The following ARIH1 variants were observed in gnomAD, a reference collection of about 807,000 sequenced individuals.
ARIH1 encodes the protein E3 ubiquitin-protein ligase ARIH1.
In ARIH1, 8 loss-of-function variants were observed where a neutral mutation model predicts 85.0. That is an observed-to-expected ratio of 0.09 (90% CI 0.06 to 0.17). The LOEUF is 0.17. Ranked by LOEUF, ARIH1 falls within the 10% of genes least tolerant of loss-of-function variation. ARIH1 has a pLI of 1.00. For synonymous variants in ARIH1, 238 were observed against 253.6 expected (o/e 0.94, Z 0.59); for missense variants, 311 against 718.1 (o/e 0.43, Z 6.48).
chr15:72,530,824 A>G (rs1191740694), intron 2 of ARIH1, among the ~76,000 whole-genome samples: 1 of 152,240 alleles, frequency 6.6e-6, no homozygotes, highest in Non-Finnish European at 1.5e-5. Flanking sequence ...AAAATCAAAC[A>G]ATGATCCAGA....
At chr15:72,510,795 TATCACTTTTGTAAAAG>T (rs367878004) in intron 1 of ARIH1, among the ~76,000 whole-genome samples, 1 of 150,836 alleles carries the variant, frequency 6.6e-6, no homozygotes, top group Non-Finnish European at 1.5e-5. Flanking sequence ...TGAATTGTTT[TATCACTTTTGTAAAAG>T]ATCACTTTTG....
At position 72,593,902 on chromosome 15, in the gene ARIH1, G is replaced by A. The variant is rs1293252602; in HGVS notation, c.*10610G>A. On this transcript the variant is annotated 3_prime_UTR_variant, in exon 14 of 14. Coordinates refer to ENST00000379887, the MANE Select transcript of ARIH1 (RefSeq NM_005744.5). ...CCAGCTTGGGTGACAGCAAGACCCT[G>A]TCAAAAAAAAAAAAGAAAAGAAAAA... The A allele has an allele frequency of 6.7e-5, 10 of 148,764 alleles. No homozygotes were observed. The highest frequency in any genetic ancestry group is 2.0e-4 in the East Asian group (1 of 4,956). 9.2% of individuals were successfully genotyped at this position (148,764 alleles called of 1,614,324 possible).
At chr15:72,499,049 C>T (rs1388702440) in intron 1 of ARIH1, among the ~76,000 whole-genome samples, 1 of 128,374 alleles carries the variant, frequency 7.8e-6, no homozygotes, top group Non-Finnish European at 1.6e-5. Flanking sequence ...AGTGTGATCT[C>T]GGCTCACTGC....
At chr15:72,507,270 TGC>T (rs1366674646) in intron 1 of ARIH1, among the ~76,000 whole-genome samples, 1 of 152,152 alleles carries the variant, frequency 6.6e-6, no homozygotes, top group African/African-American at 2.4e-5. Context: ...GTGATCCGCC[TGC>T]CTTGGCCTCC....
At chr15:72,508,990 G>C (rs991742604) in intron 1 of ARIH1, among the ~76,000 whole-genome samples, 3 of 149,528 alleles carry the variant, frequency 2.0e-5, no homozygotes, top group Non-Finnish European at 4.4e-5. Context: ...CACTGTGCCT[G>C]GCCCTTTTTT....
chr15:72,573,651 G>GA (rs1201080356), intron 11 of ARIH1, among the ~76,000 whole-genome samples: 2 of 151,662 alleles, frequency 1.3e-5, no homozygotes, highest in African/African-American at 2.4e-5. Context: ...CATTTAAGGG[G>GA]AAAAAATCCC....
chr15:72,587,905 T>C lies in ARIH1; in HGVS notation c.*4613T>C, dbSNP rs1442477243. ...CTATTGTTGACCTTTCTCTAGGCGG[T>C]AGCATTTAGGATGGGAAAAAATAAT... On this transcript the variant is annotated 3_prime_UTR_variant, in exon 14 of 14. Coordinates refer to ENST00000379887, the MANE Select transcript of ARIH1 (RefSeq NM_005744.5). 1 of 152,202 alleles carries C rather than the reference T, an allele frequency of 6.6e-6. No individual in the cohort carries two copies. Among genetic ancestry groups the C allele is most frequent in the Non-Finnish European group, 1.5e-5 (1 of 68,036 alleles). The allele number at this position is 152,202 out of a possible 1,614,324, so 9.4% of individuals were successfully genotyped here. A position where few individuals can be genotyped will look rare whatever the true frequency, so the allele number is the denominator to read the frequency against.
At chr15:72,561,327 G>A in intron 5 of ARIH1, 156 bp from the exon 6 acceptor site, 1 of 619,658 alleles carries the variant, frequency 1.6e-6, no homozygotes, top group Non-Finnish European at 2.8e-6. Context: ...GATCAGTACA[G>A]TTATATTTGT....
At chr15:72,491,080 C>T (rs1032736666) in intron 1 of ARIH1, among the ~76,000 whole-genome samples, 1 of 152,080 alleles carries the variant, frequency 6.6e-6, no homozygotes, top group Non-Finnish European at 1.5e-5. Context: ...CGTGCCACTG[C>T]ACTCCAGGCT....
intron 1 of ARIH1, among the ~76,000 whole-genome samples, chr15:72,481,342 TTCTC>T (rs919095561): frequency 6.6e-6 from 1 of 152,196 alleles, no homozygotes; most frequent in South Asian, 2.1e-4. Context: ...ATAGCAGTGT[TTCTC>T]TATGTGTTAC....
In ARIH1 at chr15:72,500,303, C is replaced by T. The variant is rs1171847615; in HGVS notation, c.376-17764C>T. 2.0e-5 allele frequency among the ~76,000 whole-genome samples: 3 copies of T among 152,078 alleles called. No individual in the cohort carries two copies. In the East Asian group the frequency reaches 5.8e-4, roughly 29 times the overall value. On this transcript the variant is annotated intron_variant, in intron 1 of 13. Coordinates refer to ENST00000379887, the MANE Select transcript of ARIH1 (RefSeq NM_005744.5). ...AGAGACGGGGTTTCACTGTGTTGGC[C>T]AGGATGATGTCGATCTCTTGACCTC...
chr15:72,552,016 C>T (rs563812752), intron 3 of ARIH1, among the ~76,000 whole-genome samples: 1 of 152,210 alleles, frequency 6.6e-6, no homozygotes, highest in African/African-American at 2.4e-5. Context: ...TACTCTTGCA[C>T]GGCATAAATG....
At chr15:72,545,948 C>G (rs1175332185) in intron 3 of ARIH1, among the ~76,000 whole-genome samples, 2 of 152,200 alleles carry the variant, frequency 1.3e-5, no homozygotes, top group African/African-American at 2.4e-5. Context: ...ATAATTACAA[C>G]TGTCTTGTTC....
Position 72,474,683 on chromosome 15 carries a change from A to C in ARIH1, c.44A>C (p.Glu15Ala), listed in dbSNP as rs779981165. ...EGYNYEFDED[E>A]ECSEEDSGAE... is the part of the protein sequence containing the mutation. ...TACAACTACGAGTTCGACGAGGACG[A>C]GGAGTGCAGTGAGGAGGACAGCGGC... Residue 15 changes from glutamate to alanine, a missense_variant, in exon 1 of 14, where the codon GAG becomes GCG. Glu to Ala is a moderately radical substitution (Grantham distance 107, BLOSUM62 -1). This residue lies in a region of ARIH1 where 157 missense variants were observed against 185.1 expected (regional missense o/e 0.85). Transcript: ENST00000379887. The C allele has an allele frequency of 6.3e-6, 10 of 1,575,076 alleles. No individual in the cohort carries two copies. Among genetic ancestry groups the C allele is most frequent in the Non-Finnish European group, 8.6e-6 (10 of 1,162,166 alleles).
At chr15:72,480,844 G>A (rs2063813894) in intron 1 of ARIH1, among the ~76,000 whole-genome samples, 1 of 152,190 alleles carries the variant, frequency 6.6e-6, no homozygotes, top group Non-Finnish European at 1.5e-5. Context: ...GGATCACAGT[G>A]AGCCACCTTG....
rs1023606448 is a variant in ARIH1 at position 72,599,900 on chromosome 15, G to A, written c.*16608G>A. ...GAGTATATCTGTAGCATCAAGAATAGGCATACTGAAAATCCTCCATGAAGT... is the reference window on the plus strand; with the variant it reads ...GAGTATATCTGTAGCATCAAGAATAAGCATACTGAAAATCCTCCATGAAGT... On this transcript the variant is annotated 3_prime_UTR_variant, in exon 14 of 14. Coordinates refer to ENST00000379887, the MANE Select transcript of ARIH1 (RefSeq NM_005744.5). 2.0e-5 allele frequency: 3 copies of A among 152,132 alleles called. No homozygotes were observed. Among genetic ancestry groups the A allele is most frequent in the African/African-American group, 7.2e-5 (3 of 41,402 alleles). 9.4% of individuals were successfully genotyped at this position (152,132 alleles called of 1,614,324 possible).
chr15:72,567,055 C>G, intron 8 of ARIH1, 51 bp from the exon 9 acceptor site: 1 of 1,392,224 alleles, frequency 7.2e-7, no homozygotes, highest in Non-Finnish European at 1.0e-6. Flanking sequence ...AAGTAATTTG[C>G]TATTTTTAAA....
At chr15:72,526,252 T>C (rs1595861519) in intron 2 of ARIH1, among the ~76,000 whole-genome samples, 1 of 152,184 alleles carries the variant, frequency 6.6e-6, no homozygotes, top group Non-Finnish European at 1.5e-5. Flanking sequence ...GTATTTCTTT[T>C]TATTTTATTC....
intron 1 of ARIH1, among the ~76,000 whole-genome samples, chr15:72,507,016 GTATGTATT>G (rs1186238438): frequency 1.9e-3 from 92 of 48,462 alleles, no homozygotes; most frequent in African/African-American, 4.0e-3. Context: ...ATGTATGTAT[GTATGTATT>G]TATTTATTTA....
Sources: gnomAD v4.1 joint callset for allele counts (sites outside exome capture counted in the v4.1 genomes callset) on GRCh38, gnomAD v4.1.1 for gene constraint, gnomAD v4.1.1 regional missense constraint, MANE v1.5 for transcripts, NCBI Gene and HGNC (gene_info 2026-07-23, HGNC 2026-07-21) for gene names.